Variants in CR1 observed in about 807,000 individuals in gnomAD.
CR1 encodes the protein complement C3b/C4b receptor 1 (Knops blood group).
A neutral mutation model predicts 187.3 loss-of-function variants in CR1; 116 were observed. The observed-to-expected ratio is 0.62, with a 90% CI of 0.53 to 0.72. The LOEUF (loss-of-function observed/expected upper bound fraction) is 0.72, where lower values mean the gene tolerates loss of function less well. CR1 is among the 30% of genes least tolerant of loss of function. The pLI is 0.00. For missense variants in CR1, 1,731 were observed against 2,110.7 expected (o/e 0.82, Z 3.52); for synonymous variants, 576 against 747.1 (o/e 0.77, Z 3.73).
intron 4 of CR1, among the ~76,000 whole-genome samples, chr1:207,513,612 G>T (rs1296456010): frequency 6.6e-6 from 1 of 152,202 alleles, no homozygotes; most frequent in East Asian, 1.9e-4. Flanking sequence ...TACAGAGAAA[G>T]TAAGTCTGGA....
At chr1:207,508,798 G>A (rs2102284203) in intron 3 of CR1, among the ~76,000 whole-genome samples, 1 of 152,112 alleles carries the variant, frequency 6.6e-6, no homozygotes, top group East Asian at 1.9e-4. Flanking sequence ...TTTTCAGGGA[G>A]CAATAAAGTA....
At chr1:207,600,412 T>C (rs1020764281) in intron 35 of CR1, among the ~76,000 whole-genome samples, 1 of 152,148 alleles carries the variant, frequency 6.6e-6, no homozygotes, top group Non-Finnish European at 1.5e-5. Flanking sequence ...ATCACAGTTA[T>C]AAAAACCATT....
rs558314687 is a variant in CR1 at position 207,639,946 on chromosome 1, C to T, written c.*537C>T. 6.6e-6 allele frequency: 1 copy of T among 152,644 alleles called. No homozygotes were observed. Among genetic ancestry groups the T allele is most frequent in the African/African-American group, 2.4e-5 (1 of 41,472 alleles). 9.5% of individuals were successfully genotyped at this position (152,644 alleles called of 1,614,324 possible). A position where few individuals can be genotyped will look rare whatever the true frequency, so the allele number is the denominator to read the frequency against. The stretch of plus-strand genomic sequence containing the variant: ...GTACTTTTCCCCCTTAGTTTGTTTC[C>T]TTTTATTTTATAGAGCAGAACCCTA... On this transcript the variant is annotated 3_prime_UTR_variant, in exon 47 of 47. Transcript: ENST00000367049.
chr1:207,630,868 C>T (rs1484157225), intron 46 of CR1, among the ~76,000 whole-genome samples: 2 of 152,118 alleles, frequency 1.3e-5, no homozygotes, highest in Non-Finnish European at 2.9e-5. Context: ...CCTATAATTT[C>T]CTGTATTTAT....
intron 35 of CR1, among the ~76,000 whole-genome samples, chr1:207,605,649 C>T (rs1462536477): frequency 1.3e-5 from 2 of 152,146 alleles, no homozygotes; most frequent in Non-Finnish European, 2.9e-5. Flanking sequence ...CTCCCATGAT[C>T]CTGTGCTCTT....
At chr1:207,607,641 G>T (rs1021076279) in intron 36 of CR1, among the ~76,000 whole-genome samples, 5 of 152,216 alleles carry the variant, frequency 3.3e-5, no homozygotes, top group Middle Eastern at 3.4e-3. Context: ...ATCTGTCTTT[G>T]CCAACTCTTA....
At chr1:207,575,729 T>A (rs540540947) in intron 28 of CR1, 49 bp downstream of exon 28, 1 of 1,609,800 alleles carries the variant, frequency 6.2e-7, no homozygotes, top group Non-Finnish European at 8.5e-7. Flanking sequence ...AATCCTAGAG[T>A]TGTCCTCCTA....
At chr1:207,630,858 C>T (rs1202262683) in intron 46 of CR1, among the ~76,000 whole-genome samples, 1 of 152,022 alleles carries the variant, frequency 6.6e-6, no homozygotes, top group Non-Finnish European at 1.5e-5. Flanking sequence ...TCAAAGCATT[C>T]CTATAATTTC....
At chr1:207,619,772 C>T (rs770456610) in intron 42 of CR1, 108 bp from the exon 43 acceptor site, 1 of 891,228 alleles carries the variant, frequency 1.1e-6, no homozygotes, top group Non-Finnish European at 1.7e-6. Flanking sequence ...AACATGCTTC[C>T]TCTTAGCCAA....
At chr1:207,634,697 T>G (rs10863426) in intron 46 of CR1, among the ~76,000 whole-genome samples, 1 of 151,472 alleles carries the variant, frequency 6.6e-6, no homozygotes. Context: ...AGGAGACGCT[T>G]CAGCACGGCT....
chr1:207,627,773 C>A (rs1343095283), intron 45 of CR1, among the ~76,000 whole-genome samples: 3 of 152,260 alleles, frequency 2.0e-5, no homozygotes, highest in Admixed American at 2.0e-4. Flanking sequence ...TTCTAAAAAC[C>A]AAGCATTTTT....
intron 4 of CR1, among the ~76,000 whole-genome samples, chr1:207,512,727 C>G (rs1396828654): frequency 6.6e-6 from 1 of 152,118 alleles, no homozygotes; most frequent in Admixed American, 6.5e-5. Flanking sequence ...GGGAAACCTT[C>G]CATCTTATTT....
intron 35 of CR1, among the ~76,000 whole-genome samples, chr1:207,599,956 C>T (rs899472848): frequency 2.6e-5 from 4 of 152,092 alleles, no homozygotes; most frequent in African/African-American, 7.2e-5. Context: ...AGATGTTAAC[C>T]TGGACAAATG....
At chr1:207,598,797 C>T (rs1247105688) in intron 35 of CR1, 1 of 152,226 alleles carries the variant, frequency 6.6e-6, no homozygotes, top group African/African-American at 2.4e-5. Flanking sequence ...TATAGAAGAG[C>T]TCATTCAGCT....
chr1:207,508,653 G>A (rs1319685166), intron 3 of CR1, among the ~76,000 whole-genome samples: 1 of 152,024 alleles, frequency 6.6e-6, no homozygotes, highest in Non-Finnish European at 1.5e-5. Context: ...GGAAAATTGA[G>A]TAAATAGTAC....
chr1:207,516,655 T>G (rs542049895), intron 4 of CR1, among the ~76,000 whole-genome samples: 1 of 152,318 alleles, frequency 6.6e-6, no homozygotes, highest in East Asian at 1.9e-4. Flanking sequence ...TTTTGAAGTC[T>G]TCTTTAATTT....
rs1206836019 is a variant in CR1, at chr1:207,498,311, G to A, written c.121+1923G>A. Among the ~76,000 whole-genome samples the A allele has an allele frequency of 2.0e-5, 3 of 152,208 alleles. No individual in the cohort carries two copies. In the East Asian group the frequency reaches 5.8e-4, roughly 29 times the overall value. On this transcript the variant is annotated intron_variant, in intron 1 of 46. Transcript: ENST00000367049. ...TCAACTCCTATGATCAGGAAAGGAT[G>A]AGTGAAAGGTATATGGCTTTACTAG...
intron 42 of CR1, among the ~76,000 whole-genome samples, chr1:207,618,838 C>T (rs1001422631): frequency 6.6e-6 from 1 of 150,438 alleles, no homozygotes; most frequent in Admixed American, 6.6e-5. Flanking sequence ...GTCAAGAGAT[C>T]GAGACCATCC....
rs575471401 is a variant in CR1, at chr1:207,502,922, A to G, written c.122-2982A>G. On this transcript the variant is annotated intron_variant, in intron 1 of 46. Coordinates refer to ENST00000367049, the MANE Select transcript of CR1 (RefSeq NM_000651.6). Reference sequence around the variant, plus strand: ...TGAATCCGGGGCACATTCACTCAGGAGAGCTGAGGTCACCAGTCACTGAGG... The same window carrying G: ...TGAATCCGGGGCACATTCACTCAGGGGAGCTGAGGTCACCAGTCACTGAGG... Among the ~76,000 whole-genome samples the G allele has an allele frequency of 1.2e-4, 18 of 152,318 alleles. No homozygotes were observed. The East Asian group carries it at 3.5e-3, about 29-fold the overall frequency.
Sources: allele counts gnomAD v4.1 joint callset (sites outside exome capture counted in the v4.1 genomes callset), GRCh38; gene constraint gnomAD v4.1.1; transcripts MANE v1.5; gene names NCBI Gene and HGNC (gene_info 2026-07-23, HGNC 2026-07-21).